Variants in ADGRF3 observed in about 807,000 individuals in gnomAD.
ADGRF3 encodes the protein adhesion G protein-coupled receptor F3.
In ADGRF3, 85 loss-of-function variants were observed where a neutral mutation model predicts 93.2. The ratio of observed to expected loss-of-function variants is 0.91; its 90% CI spans 0.77 to 1.09. The LOEUF (loss-of-function observed/expected upper bound fraction) is 1.09, where lower values mean the gene tolerates loss of function less well. ADGRF3 is among the 50% of genes least tolerant of loss of function. The probability of loss-of-function intolerance (pLI) is 0.00; values close to 1 mark genes in which losing one functional copy is unlikely to be tolerated. For missense variants in ADGRF3, 1,125 were observed against 1,246.2 expected (o/e 0.90, Z 1.46); for synonymous variants, 534 against 532.5 (o/e 1.00, Z -0.04).
chr2:26,310,261 AG>A (rs1426275265), intron 10 of ADGRF3, 24 bp from the exon 11 acceptor site: 2 of 1,613,782 alleles, frequency 1.2e-6, no homozygotes, highest in Non-Finnish European at 1.7e-6. Context: ...CATGGGGATA[AG>A]CTGGTCAAGG....
rs780154121 is a variant in ADGRF3, at chr2:26,313,005, T to C, written c.1387A>G (p.Met463Val). ...PSDLLTLLSTMKYVAKVVAEA... is the reference protein window; with the variant it reads ...PSDLLTLLSTVKYVAKVVAEA... ...GCCACCACCTTGGCCACGTATTTCA[T>C]GGTGCTCAGCAGGGTCAGTAAGTCG... The change falls in exon 9 of 14, where the codon ATG (methionine) becomes GTG (valine). Residue 463 changes from methionine (M) to valine (V), a missense_variant. Physicochemically the swap from Met to Val is conservative, Grantham distance 21. Coordinates refer to ENST00000651242, the MANE Select transcript of ADGRF3 (RefSeq NM_001321971.2). The C allele has an allele frequency of 1.9e-6, 3 of 1,613,896 alleles. No homozygotes were observed. The South Asian group carries it at 3.3e-5, about 18-fold the overall frequency.
In ADGRF3 at chr2:26,311,208, G is replaced by T; in HGVS notation, c.2316C>A (p.Leu772=). The T allele has an allele frequency of 6.2e-7, 1 of 1,603,272 alleles. No homozygotes were observed. The highest frequency in any genetic ancestry group is 2.3e-5 in the East Asian group (1 of 44,380). ...PFLSPGPRSP[L]CLAAAFLCHF... Reference sequence around the variant, plus strand: ...GACAGAGGAAGGCGGCAGCAAGGCAGAGCGGGCTTCGGGGCCCTGGAGAGA... The same window carrying T: ...GACAGAGGAAGGCGGCAGCAAGGCATAGCGGGCTTCGGGGCCCTGGAGAGA... Residue 772 remains leucine, a synonymous_variant, in exon 10 of 14, where the codon CTC becomes CTA. Coordinates refer to ENST00000651242, the MANE Select transcript of ADGRF3 (RefSeq NM_001321971.2).
chr2:26,322,964 C>T (rs1438290860), intron 1 of ADGRF3, among the ~76,000 whole-genome samples: 8 of 151,840 alleles, frequency 5.3e-5, no homozygotes, highest in Admixed American at 3.3e-4. Context: ...GGTGAAAACC[C>T]GTCTCTACTA....
rs190703234 is a variant in ADGRF3, at chr2:26,308,394, A to G, written c.*692T>C. The G allele has an allele frequency of 1.3e-5, 2 of 152,238 alleles. No individual in the cohort carries two copies. The highest frequency in any genetic ancestry group is 1.3e-4 in the Admixed American group (2 of 15,302). The allele number at this position is 152,238 out of a possible 1,614,324, so 9.4% of individuals were successfully genotyped here. A position where few individuals can be genotyped will look rare whatever the true frequency, so the allele number is the denominator to read the frequency against. ...GTCTTCAAAAAGATTTTCTTCTAGT[A>G]TTCATTTTTAAATATAAATTAAACT... On this transcript the variant is annotated 3_prime_UTR_variant, in exon 14 of 14. Transcript: ENST00000651242.
At chr2:26,314,349 G>A in intron 6 of ADGRF3, 65 bp downstream of exon 6, 1 of 1,471,990 alleles carries the variant, frequency 6.8e-7, no homozygotes, top group South Asian at 1.3e-5. Flanking sequence ...TGAAGACCCA[G>A]CTGCCTGGAA....
At chr2:26,314,276 G>C in intron 6 of ADGRF3, 138 bp downstream of exon 6, 1 of 818,554 alleles carries the variant, frequency 1.2e-6, no homozygotes, top group East Asian at 2.7e-5. Context: ...TGATGGGGTA[G>C]AAAACAGTGT....
chr2:26,342,992 A>G (rs1445801553), intron 1 of ADGRF3, among the ~76,000 whole-genome samples: 1 of 152,256 alleles, frequency 6.6e-6, no homozygotes, highest in Non-Finnish European at 1.5e-5. Flanking sequence ...TACAAAAGCC[A>G]GTAAGACAGT....
intron 8 of ADGRF3, 77 bp downstream of exon 8, chr2:26,313,300 G>C: frequency 1.2e-5 from 18 of 1,441,564 alleles, no homozygotes; most frequent in Non-Finnish European, 1.7e-5. Context: ...TTGGGGAAAA[G>C]GGTCTGCAAG....
intron 1 of ADGRF3, among the ~76,000 whole-genome samples, chr2:26,328,485 G>T (rs1300147087): frequency 7.6e-6 from 1 of 131,292 alleles, no homozygotes; most frequent in Non-Finnish European, 1.6e-5. Flanking sequence ...ACGGAGTCTC[G>T]CTCTATTGCC....
rs748205823 is a variant in ADGRF3 at position 26,311,305 on chromosome 2, C to T, written c.2219G>A (p.Arg740His). 1.3e-5 allele frequency: 21 copies of T among 1,613,696 alleles called. No homozygotes were observed. Among genetic ancestry groups the T allele is most frequent in the South Asian group, 5.5e-5 (5 of 91,084 alleles). The change falls in exon 10 of 14, where the codon CGC (arginine) becomes CAC (histidine). Residue 740 changes from arginine to histidine, a missense_variant. Arg to His is a conservative substitution (Grantham distance 29). Transcript: ENST00000651242. ...CACCATGTTGAGCAGGGCGGCGTGG[C>T]GGAAATAGGAGATCTTGTTCCGCAC... ...VVVRNKISYF[R>H]HAALLNMVFC...
At position 26,346,145 on chromosome 2, in the gene ADGRF3, C is replaced by A; in HGVS notation, c.90G>T (p.Met30Ile). ...CCTTCTCGGGCAGCCCAGTCTTTGC[C>A]ATCCTTGCCCAGCCGGTGTGGTGCT... ...THKHHTGWAR[M>I]AKTGLPEKGQ... Residue 30 changes from methionine to isoleucine, a missense_variant, in exon 1 of 14, where the codon ATG becomes ATT. Coordinates refer to ENST00000651242, the MANE Select transcript of ADGRF3 (RefSeq NM_001321971.2). The A allele has an allele frequency of 6.2e-7, 1 of 1,604,184 alleles. No homozygotes were observed. Among genetic ancestry groups the A allele is most frequent in the Non-Finnish European group, 8.5e-7 (1 of 1,175,924 alleles).
At chr2:26,338,951 C>T (rs1000421618) in intron 1 of ADGRF3, among the ~76,000 whole-genome samples, 3 of 149,620 alleles carry the variant, frequency 2.0e-5, no homozygotes, top group Admixed American at 6.7e-5. Context: ...TCCTGGCCAA[C>T]ATGGTGAAAT....
At chr2:26,341,252 G>A (rs558839320) in intron 1 of ADGRF3, among the ~76,000 whole-genome samples, 5 of 152,232 alleles carry the variant, frequency 3.3e-5, no homozygotes, top group East Asian at 1.9e-4. Flanking sequence ...GGTGGCGGGC[G>A]CCTGTAGTCC....
chr2:26,336,719 CCATAAAAAAAAAAAA>C (rs1676065767), intron 1 of ADGRF3, among the ~76,000 whole-genome samples: 1 of 72,944 alleles, frequency 1.4e-5, no homozygotes, highest in South Asian at 5.7e-4. Flanking sequence ...GAGTGAGACT[CCATAAAAAAAAAAAA>C]AAAAAAAAAA....
At chr2:26,321,122 A>G (rs1451951559) in intron 1 of ADGRF3, among the ~76,000 whole-genome samples, 1 of 152,190 alleles carries the variant, frequency 6.6e-6, no homozygotes, top group Non-Finnish European at 1.5e-5. Context: ...TACCTATGGT[A>G]GAAACATAGC....
Position 26,346,263 on chromosome 2 carries a change from C to A in ADGRF3, c.-29G>T. 1 of 1,613,614 alleles carries A rather than the reference C, an allele frequency of 6.2e-7. No individual in the cohort carries two copies. The highest frequency in any genetic ancestry group is 1.1e-5 in the South Asian group (1 of 91,078). On this transcript the variant is annotated 5_prime_UTR_variant, in exon 1 of 14. Transcript: ENST00000651242. ...TGGCTACGAATACGTGAGCCCGGAGCAGCTGGCTGGCTTTGATAAGTACAA... is the reference window on the plus strand; with the variant it reads ...TGGCTACGAATACGTGAGCCCGGAGAAGCTGGCTGGCTTTGATAAGTACAA...
intron 6 of ADGRF3, among the ~76,000 whole-genome samples, chr2:26,314,210 G>T (rs1674447716): frequency 6.6e-6 from 1 of 151,824 alleles, no homozygotes; most frequent in Non-Finnish European, 1.5e-5. Flanking sequence ...ACAGCATTTT[G>T]CAAAAGTTTC....
intron 1 of ADGRF3, chr2:26,317,972 C>G: frequency 6.9e-7 from 1 of 1,453,296 alleles, no homozygotes; most frequent in African/African-American, 1.4e-5. Context: ...AAGGCAGCCT[C>G]TTTCCTCCGT....
At chr2:26,338,615 A>T (rs1676186331) in intron 1 of ADGRF3, among the ~76,000 whole-genome samples, 2 of 152,118 alleles carry the variant, frequency 1.3e-5, no homozygotes, top group African/African-American at 4.8e-5. Flanking sequence ...GGCATGTGCC[A>T]CCACGCCCGG....
Sources: gnomAD v4.1 joint callset for allele counts (sites outside exome capture counted in the v4.1 genomes callset) on GRCh38, gnomAD v4.1.1 for gene constraint, MANE v1.5 for transcripts, NCBI Gene and HGNC (gene_info 2026-07-23, HGNC 2026-07-21) for gene names.